FHIT: variants seen among roughly 807,000 people sequenced by gnomAD.
FHIT encodes the protein fragile histidine triad diadenosine triphosphatase.
Under a neutral mutation model 17.9 loss-of-function variants are expected in FHIT, and 19 were observed. The ratio of observed to expected loss-of-function variants is 1.06; its 90% CI spans 0.74 to 1.56. The LOEUF (loss-of-function observed/expected upper bound fraction) is 1.56, where lower values mean the gene tolerates loss of function less well. Ranked by LOEUF, FHIT falls within the 40% of genes most tolerant of loss-of-function variation. FHIT has a pLI of 0.00. For synonymous variants in FHIT, 81 were observed against 69.7 expected (o/e 1.16, Z -0.81); for missense variants, 248 against 189.2 (o/e 1.31, Z -1.82).
chr3:60,787,544 C>G (rs1406176706), intron 4 of FHIT, among the ~76,000 whole-genome samples: 1 of 152,222 alleles, frequency 6.6e-6, no homozygotes, highest in Non-Finnish European at 1.5e-5. Context: ...GTGTTCCTGT[C>G]TGCCTGTTCA....
chr3:61,050,630 A>C (rs1432245061), intron 2 of FHIT, among the ~76,000 whole-genome samples: 1 of 152,244 alleles, frequency 6.6e-6, no homozygotes, highest in East Asian at 1.9e-4. Flanking sequence ...TAATGCGCTC[A>C]AGCAAAAGAA....
intron 5 of FHIT, among the ~76,000 whole-genome samples, chr3:60,380,091 T>C (rs1472644295): frequency 6.6e-6 from 1 of 152,204 alleles, no homozygotes; most frequent in Non-Finnish European, 1.5e-5. Flanking sequence ...AGTGCTGATA[T>C]AGTTTGGATG....
intron 3 of FHIT, among the ~76,000 whole-genome samples, chr3:60,980,939 C>A (rs944513351): frequency 1.4e-4 from 21 of 152,220 alleles, no homozygotes; most frequent in African/African-American, 3.9e-4. Flanking sequence ...CAATTCCCTG[C>A]GTGCTCTCAC....
rs1700668940 is a variant in FHIT, at chr3:59,747,429, G to A, written c.*2156C>T. On this transcript the variant is annotated 3_prime_UTR_variant, in exon 10 of 10. Coordinates refer to ENST00000492590, the MANE Select transcript of FHIT (RefSeq NM_002012.4). ...TCACTATCAATCATGAGAACAGCAT[G>A]GGAAAGACCCTCCCCCTTGATTCAG... is the stretch of plus-strand genomic sequence containing the variant. Among the ~76,000 whole-genome samples the A allele has an allele frequency of 6.6e-6, 1 of 152,076 alleles. No individual in the cohort carries two copies. Among genetic ancestry groups the A allele is most frequent in the Non-Finnish European group, 1.5e-5 (1 of 67,996 alleles).
At chr3:60,190,125 T>A (rs1702337834) in intron 5 of FHIT, among the ~76,000 whole-genome samples, 1 of 152,084 alleles carries the variant, frequency 6.6e-6, no homozygotes, top group Admixed American at 6.5e-5. Context: ...AGCCAACCAG[T>A]TAAAATACCA....
Position 60,980,852 on chromosome 3 carries a change from T to C in FHIT, c.-111+61195A>G, listed in dbSNP as rs373704037. ...GTTGCCAATAGTAAAAAAAATGACA[T>C]AAATTTAAGCATACTACAAATACCT... On this transcript the variant is annotated intron_variant, in intron 3 of 9. Coordinates refer to ENST00000492590, the MANE Select transcript of FHIT (RefSeq NM_002012.4). Among the ~76,000 whole-genome samples the C allele has an allele frequency of 5.9e-5, 9 of 152,280 alleles. No individual in the cohort carries two copies. In the East Asian group the frequency reaches 1.5e-3, roughly 26 times the overall value.
chr3:60,053,444 G>C (rs1701963097), intron 5 of FHIT, among the ~76,000 whole-genome samples: 1 of 150,106 alleles, frequency 6.7e-6, no homozygotes, highest in South Asian at 2.2e-4. Flanking sequence ...TCTTAAGTTA[G>C]TATTTTCTCT....
chr3:60,997,658 C>A (rs2030770892), intron 3 of FHIT, among the ~76,000 whole-genome samples: 1 of 152,144 alleles, frequency 6.6e-6, no homozygotes, highest in Non-Finnish European at 1.5e-5. Flanking sequence ...TACTGACCTG[C>A]AAGAAGTAAC....
chr3:61,178,548 AC>A (rs199544125), intron 2 of FHIT, among the ~76,000 whole-genome samples: 3,848 of 36,094 alleles, frequency 0.11, 184 homozygotes, highest in African/African-American at 0.29. Flanking sequence ...GAAGAAAAAA[AC>A]GTTGTAATTA....
chr3:60,929,340 T>C (rs868984756), intron 3 of FHIT, among the ~76,000 whole-genome samples: 10 of 152,200 alleles, frequency 6.6e-5, no homozygotes, highest in Middle Eastern at 3.4e-3. Context: ...CTATTCAACA[T>C]AGTGTTGGAA....
intron 8 of FHIT, among the ~76,000 whole-genome samples, chr3:59,878,483 C>G (rs550483347): frequency 5.3e-4 from 80 of 152,278 alleles, no homozygotes; most frequent in African/African-American, 1.9e-3. Context: ...CTATTATTTT[C>G]AGAGGCAGGT....
intron 5 of FHIT, among the ~76,000 whole-genome samples, chr3:60,388,523 C>T (rs538338053): frequency 6.6e-6 from 1 of 152,204 alleles, no homozygotes; most frequent in African/African-American, 2.4e-5. Flanking sequence ...GGATCATAAG[C>T]CCAGGAGGTG....
intron 8 of FHIT, among the ~76,000 whole-genome samples, chr3:59,787,703 G>A (rs998133908): frequency 6.6e-6 from 1 of 152,142 alleles, no homozygotes; most frequent in African/African-American, 2.4e-5. Flanking sequence ...CACTTTGCAA[G>A]AAGGATAACA....
chr3:60,462,531 C>T (rs1321233330), intron 5 of FHIT, among the ~76,000 whole-genome samples: 2 of 152,084 alleles, frequency 1.3e-5, no homozygotes, highest in Non-Finnish European at 2.9e-5. Flanking sequence ...GGGAGAACAC[C>T]ACTGAGGAAT....
chr3:60,594,900 C>G (rs1434102864), intron 4 of FHIT, among the ~76,000 whole-genome samples: 3 of 152,092 alleles, frequency 2.0e-5, no homozygotes, highest in African/African-American at 7.2e-5. Context: ...TGTAGATGAA[C>G]TGTTTCTCCC....
At chr3:60,171,012 G>A (rs1190748262) in intron 5 of FHIT, among the ~76,000 whole-genome samples, 3 of 151,976 alleles carry the variant, frequency 2.0e-5, no homozygotes, top group African/African-American at 7.2e-5. Context: ...AAAAAGAAAA[G>A]GCCCAACTTT....
intron 4 of FHIT, among the ~76,000 whole-genome samples, chr3:60,705,186 T>C (rs1019725787): frequency 6.6e-6 from 1 of 152,136 alleles, no homozygotes; most frequent in Non-Finnish European, 1.5e-5. Context: ...ATTTTCAAAC[T>C]ACTTTCATGA....
intron 5 of FHIT, among the ~76,000 whole-genome samples, chr3:60,401,630 A>G (rs1368936359): frequency 1.3e-5 from 2 of 152,052 alleles, no homozygotes; most frequent in Non-Finnish European, 2.9e-5. Flanking sequence ...TCCCCACCCC[A>G]TGTAGTTTCC....
intron 3 of FHIT, among the ~76,000 whole-genome samples, chr3:60,864,527 G>A (rs182413214): frequency 2.0e-5 from 3 of 152,228 alleles, no homozygotes; most frequent in African/African-American, 7.2e-5. Context: ...AGAAGAAACT[G>A]CATTGGTAAA....
Sources: gnomAD v4.1 joint callset for allele counts (sites outside exome capture counted in the v4.1 genomes callset) on GRCh38, gnomAD v4.1.1 for gene constraint, MANE v1.5 for transcripts, NCBI Gene and HGNC (gene_info 2026-07-23, HGNC 2026-07-21) for gene names.